Variants in TSPAN9 observed in about 807,000 individuals in gnomAD.
TSPAN9 encodes the protein tetraspanin-9.
A neutral mutation model predicts 31.0 loss-of-function variants in TSPAN9; 16 were observed. That is an observed-to-expected ratio of 0.52 (90% confidence interval 0.35 to 0.78). TSPAN9 has a LOEUF of 0.78. Ranked by LOEUF, TSPAN9 falls within the 30% of genes least tolerant of loss-of-function variation. The probability of loss-of-function intolerance (pLI) is 0.01; values close to 1 mark genes in which losing one functional copy is unlikely to be tolerated. For missense variants in TSPAN9, 272 were observed against 312.5 expected, an observed-to-expected ratio of 0.87 and a Z score of 0.98; for synonymous variants, 145 against 121.6, an observed-to-expected ratio of 1.19 and a Z score of -1.27.
chr12:3,198,339 C>A, intron 2 of TSPAN9, among the ~76,000 whole-genome samples: 1 of 113,604 alleles, frequency 8.8e-6, no homozygotes, highest in African/African-American at 3.5e-5. Context: ...CCACCACCAG[C>A]ACAGCTCACC....
At chr12:3,140,753 C>G (rs2098334411) in intron 2 of TSPAN9, among the ~76,000 whole-genome samples, 1 of 151,864 alleles carries the variant, frequency 6.6e-6, no homozygotes, top group Non-Finnish European at 1.5e-5. Context: ...TGGGGGCCCA[C>G]AGGGAAGGCT....
chr12:3,177,505 T>C (rs1293325913), intron 2 of TSPAN9, among the ~76,000 whole-genome samples: 1 of 152,038 alleles, frequency 6.6e-6, no homozygotes, highest in Non-Finnish European at 1.5e-5. Context: ...CAATCTTGGC[T>C]CACTGCACTC....
At chr12:3,183,482 A>G (rs1421826077) in intron 2 of TSPAN9, among the ~76,000 whole-genome samples, 1 of 152,124 alleles carries the variant, frequency 6.6e-6, no homozygotes, top group Non-Finnish European at 1.5e-5. Flanking sequence ...GTTTGGGGAG[A>G]GTTGCTGGCG....
chr12:3,177,090 C>T (rs2098356116), intron 2 of TSPAN9, among the ~76,000 whole-genome samples: 1 of 152,062 alleles, frequency 6.6e-6, no homozygotes, highest in Admixed American at 6.5e-5. Flanking sequence ...CATTGAGTAG[C>T]CTTGTTTAAA....
In TSPAN9 at chr12:3,133,986, G is replaced by A. The variant is rs1031182037; in HGVS notation, c.-18+50267G>A. 7.2e-5 allele frequency among the ~76,000 whole-genome samples: 11 copies of A among 152,274 alleles called. No individual in the cohort carries two copies. The South Asian group carries it at 1.2e-3, about 17-fold the overall frequency. ...TTCTTTGATTATAAACAGGGTCAGC[G>A]CTTAGGGCTGTTGTGAGGGACTGAT... On this transcript the variant is annotated intron_variant, in intron 2 of 8. Transcript: ENST00000011898.
chr12:3,117,438 C>T (rs144215045), intron 2 of TSPAN9, among the ~76,000 whole-genome samples: 5,817 of 152,102 alleles, frequency 0.038, 150 homozygotes, highest in Middle Eastern at 0.12. Context: ...ACTATTTGCC[C>T]GATTTTTGTA....
intron 1 of TSPAN9, among the ~76,000 whole-genome samples, chr12:3,081,182 T>C (rs892075970): frequency 1.3e-5 from 2 of 152,178 alleles, no homozygotes; most frequent in African/African-American, 4.8e-5. Flanking sequence ...GTGGCTGTTA[T>C]TTATAACCTC....
chr12:3,172,212 C>G lies in TSPAN9; in HGVS notation c.-17-28965C>G, dbSNP rs1393431340. The stretch of plus-strand genomic sequence containing the variant: ...CAGCAAAGCAGGATCCATCCGTCAC[C>G]CTTCCCCCGCCCCCACCCCAGCCTC... On this transcript the variant is annotated intron_variant, in intron 2 of 8. Transcript: ENST00000011898. This position sits in a 1 kb window ranked among gnomAD's most constrained non-coding sequence, Gnocchi z 4.8. 6.6e-6 allele frequency: 1 copy of G among 152,350 alleles called. No homozygotes were observed. The highest frequency in any genetic ancestry group is 2.4e-5 in the African/African-American group (1 of 41,466). 9.4% of individuals were successfully genotyped at this position (152,350 alleles called of 1,614,324 possible).
At chr12:3,128,136 C>T (rs753472077) in intron 2 of TSPAN9, among the ~76,000 whole-genome samples, 4 of 152,214 alleles carry the variant, frequency 2.6e-5, no homozygotes, top group Non-Finnish European at 4.4e-5. Context: ...CATGATGGTA[C>T]TACCGATATT....
intron 3 of TSPAN9, among the ~76,000 whole-genome samples, chr12:3,232,749 A>G (rs2098391430): frequency 6.6e-6 from 1 of 152,134 alleles, no homozygotes; most frequent in Non-Finnish European, 1.5e-5. Flanking sequence ...GGTCTGGCGC[A>G]GCCCTGGCTC....
chr12:3,112,333 T>C (rs1201291574), intron 2 of TSPAN9, among the ~76,000 whole-genome samples: 3 of 151,668 alleles, frequency 2.0e-5, no homozygotes, highest in Non-Finnish European at 2.9e-5. Context: ...TGCACCACCA[T>C]GCCCGGCTAA....
At chr12:3,152,548 G>C (rs2098340337) in intron 2 of TSPAN9, among the ~76,000 whole-genome samples, 1 of 152,196 alleles carries the variant, frequency 6.6e-6, no homozygotes, top group Non-Finnish European at 1.5e-5. Context: ...TGGACTGGCT[G>C]TTTCTAGCCT....
intron 3 of TSPAN9, among the ~76,000 whole-genome samples, chr12:3,249,253 C>T (rs1018317853): frequency 3.9e-5 from 6 of 152,170 alleles, no homozygotes; most frequent in Non-Finnish European, 7.3e-5. Context: ...AGGCACCCCG[C>T]GGGTGGTCAG....
chr12:3,153,932 A>G (rs970351342), intron 2 of TSPAN9, among the ~76,000 whole-genome samples: 11 of 144,192 alleles, frequency 7.6e-5, no homozygotes, highest in African/African-American at 2.9e-4. Flanking sequence ...CCTACTGTTG[A>G]ATGTGCAGCT....
chr12:3,235,598 G>A (rs191386016), intron 3 of TSPAN9, among the ~76,000 whole-genome samples: 101 of 152,228 alleles, frequency 6.6e-4, no homozygotes, highest in Non-Finnish European at 9.0e-4. Flanking sequence ...TGTGTGTGAC[G>A]AATGCGTGTG....
chr12:3,223,356 G>A lies in TSPAN9; in HGVS notation c.63+22100G>A, dbSNP rs144117880. Among the ~76,000 whole-genome samples, 110 of 152,266 alleles carry A rather than the reference G, an allele frequency of 7.2e-4. No homozygotes were observed. In the East Asian group the frequency reaches 0.015, roughly 20 times the overall value. ...GCATGGCCAGCCCTGGGCAGAGATC[G>A]TCACGAATGGATTTGACGGGAATGG... On this transcript the variant is annotated intron_variant, in intron 3 of 8. Coordinates refer to ENST00000011898, the MANE Select transcript of TSPAN9 (RefSeq NM_006675.5).
chr12:3,201,586 A>G (rs763782724), intron 3 of TSPAN9, among the ~76,000 whole-genome samples: 6 of 152,218 alleles, frequency 3.9e-5, no homozygotes, highest in Non-Finnish European at 7.3e-5. Context: ...GCCTGCAGTA[A>G]TGGCTGTGGG....
intron 2 of TSPAN9, among the ~76,000 whole-genome samples, chr12:3,128,133 G>C (rs561540126): frequency 4.8e-4 from 73 of 152,274 alleles, no homozygotes; most frequent in Non-Finnish European, 4.9e-4. Context: ...GTGCATGATG[G>C]TACTACCGAT....
intron 3 of TSPAN9, among the ~76,000 whole-genome samples, chr12:3,210,738 CTT>C (rs376848982): frequency 2.9e-4 from 38 of 132,838 alleles, no homozygotes; most frequent in African/African-American, 6.1e-4. Flanking sequence ...TCATGGATGT[CTT>C]TTTTTTTTTT....
Sources: gnomAD v4.1 joint callset for allele counts (sites outside exome capture counted in the v4.1 genomes callset) on GRCh38, gnomAD v4.1.1 for gene constraint, Gnocchi (gnomAD v3.1) non-coding constraint, MANE v1.5 for transcripts, NCBI Gene and HGNC (gene_info 2026-07-23, HGNC 2026-07-21) for gene names.